The following PLAC8 variants were observed in gnomAD, a reference collection of about 807,000 sequenced individuals.
The protein encoded by PLAC8 is placenta associated 8.
Under a neutral mutation model 12.6 loss-of-function variants are expected in PLAC8, and 6 were observed. That is an observed-to-expected ratio of 0.48 (90% CI 0.26 to 0.94). The LOEUF is 0.94. Among genes scored for constraint, PLAC8 ranks in the 40% least tolerant of loss-of-function variants. The pLI is 0.14. For missense variants in PLAC8, 122 were observed against 152.7 expected (o/e 0.80, Z 1.06); for synonymous variants, 54 against 52.6 (o/e 1.03, Z -0.11).
Position 83,090,581 on chromosome 4 carries a change from A to G in PLAC8, c.*400T>C, listed in dbSNP as rs966262212. The G allele has an allele frequency of 6.6e-6, 1 of 151,194 alleles. No individual in the cohort carries two copies. The highest frequency in any genetic ancestry group is 1.9e-4 in the East Asian group (1 of 5,194). The allele number at this position is 151,194 out of a possible 1,614,324, so 9.4% of individuals were successfully genotyped here. A position where few individuals can be genotyped will look rare whatever the true frequency, so the allele number is the denominator to read the frequency against. On this transcript the variant is annotated 3_prime_UTR_variant, in exon 5 of 5. Transcript: ENST00000311507. ...ATCCCCCAACTCTATTAAAAAAAAA[A>G]AAAAAGAAAAAGGAAATCAAAGTAT...
chr4:83,114,543 T>C (rs1403135078), intron 1 of PLAC8, 123 bp downstream of exon 1: 30 of 152,136 alleles, frequency 2.0e-4, no homozygotes. Context: ...CTTAGTCTTT[T>C]AGCTGAAACT....
At chr4:83,109,193 G>C (rs1332932630) in intron 1 of PLAC8, among the ~76,000 whole-genome samples, 2 of 152,140 alleles carry the variant, frequency 1.3e-5, no homozygotes, top group African/African-American at 2.4e-5. Context: ...TGGGGTTTCT[G>C]ACCTACCCAC....
At chr4:83,096,189 C>T (rs1362619374) in intron 3 of PLAC8, among the ~76,000 whole-genome samples, 1 of 152,134 alleles carries the variant, frequency 6.6e-6, no homozygotes, top group Non-Finnish European at 1.5e-5. Flanking sequence ...TCAGCCTACA[C>T]CCAGGAATGA....
At chr4:83,091,593 A>C (rs1485446962) in intron 4 of PLAC8, among the ~76,000 whole-genome samples, 1 of 152,140 alleles carries the variant, frequency 6.6e-6, no homozygotes, top group Non-Finnish European at 1.5e-5. Flanking sequence ...TTGTGGAGTT[A>C]CTCCATACAG....
intron 1 of PLAC8, among the ~76,000 whole-genome samples, chr4:83,110,029 G>A (rs1008389331): frequency 6.6e-5 from 10 of 152,224 alleles, no homozygotes; most frequent in Admixed American, 5.2e-4. Context: ...CGTGAACCGG[G>A]CAGCGGGCGC....
At chr4:83,094,592 A>G in intron 4 of PLAC8, 86 bp downstream of exon 4, 2 of 723,240 alleles carry the variant, frequency 2.8e-6, no homozygotes, top group Non-Finnish European at 4.7e-6. Context: ...TTGCTGAATT[A>G]TTCAAAACAA....
intron 3 of PLAC8, among the ~76,000 whole-genome samples, chr4:83,096,530 A>T (rs1404270856): frequency 1.3e-5 from 2 of 152,230 alleles, no homozygotes; most frequent in Non-Finnish European, 2.9e-5. Context: ...TTAAGTGAAA[A>T]ATAACAATCT....
intron 4 of PLAC8, among the ~76,000 whole-genome samples, chr4:83,091,661 A>G (rs1731809849): frequency 1.3e-5 from 2 of 152,284 alleles, no homozygotes; most frequent in South Asian, 2.1e-4. Context: ...GAAGGAAGTC[A>G]CTATGCAAAC....
intron 1 of PLAC8, among the ~76,000 whole-genome samples, chr4:83,110,885 A>G (rs1732410088): frequency 6.6e-6 from 1 of 152,244 alleles, no homozygotes; most frequent in South Asian, 2.1e-4. Context: ...CATCTTGGTT[A>G]TCAAATACCA....
chr4:83,093,604 T>C (rs1244178398), intron 4 of PLAC8: 1 of 152,224 alleles, frequency 6.6e-6, no homozygotes, highest in Non-Finnish European at 1.5e-5. Context: ...AAATCACTGC[T>C]TTCAAGAAAC....
intron 2 of PLAC8, among the ~76,000 whole-genome samples, chr4:83,106,144 C>T (rs1578742838): frequency 6.6e-6 from 1 of 151,880 alleles, no homozygotes; most frequent in Admixed American, 6.6e-5. Context: ...GGACTACAGG[C>T]ACCCACCACC....
chr4:83,114,016 ATAC>A (rs1429841927), intron 1 of PLAC8, among the ~76,000 whole-genome samples: 1 of 150,830 alleles, frequency 6.6e-6, no homozygotes, highest in Non-Finnish European at 1.5e-5. Flanking sequence ...ATTAATCCAG[ATAC>A]TAGACATATT....
At chr4:83,093,921 C>A (rs1463868899) in intron 4 of PLAC8, 1 of 152,090 alleles carries the variant, frequency 6.6e-6, no homozygotes, top group Non-Finnish European at 1.5e-5. Context: ...CATTTTTTTA[C>A]GTATCTCCCA....
At chr4:83,113,678 A>G (rs1732473035) in intron 1 of PLAC8, among the ~76,000 whole-genome samples, 1 of 152,046 alleles carries the variant, frequency 6.6e-6, no homozygotes, top group South Asian at 2.1e-4. Context: ...AAAAGTTGGC[A>G]GGGGCCACCT....
At chr4:83,101,816 C>T (rs1469345813) in intron 3 of PLAC8, among the ~76,000 whole-genome samples, 1 of 152,134 alleles carries the variant, frequency 6.6e-6, no homozygotes, top group Non-Finnish European at 1.5e-5. Context: ...CTTTCCCCTA[C>T]CCCATGAGAA....
chr4:83,107,489 A>G lies in PLAC8; in HGVS notation c.118+315T>C, dbSNP rs544491028. 2.6e-5 allele frequency among the ~76,000 whole-genome samples: 4 copies of G among 152,062 alleles called. No homozygotes were observed. In the East Asian group the frequency reaches 5.8e-4, roughly 22 times the overall value. On this transcript the variant is annotated intron_variant, in intron 2 of 4. Coordinates refer to ENST00000311507, the MANE Select transcript of PLAC8 (RefSeq NM_016619.3). ...GAATTTTTAAATTAATGTAAGTTCTATTTAGTCAGGCCAGACCTGCTCGTT... is the reference window on the plus strand; with the variant it reads ...GAATTTTTAAATTAATGTAAGTTCTGTTTAGTCAGGCCAGACCTGCTCGTT...
intron 4 of PLAC8, chr4:83,092,754 G>A (rs1731834306): frequency 7.0e-6 from 1 of 143,594 alleles, no homozygotes; most frequent in South Asian, 2.2e-4. Flanking sequence ...TGCCTCTCTA[G>A]TTTCATTAAT....
chr4:83,113,797 G>A (rs1275465822), intron 1 of PLAC8, among the ~76,000 whole-genome samples: 2 of 151,992 alleles, frequency 1.3e-5, no homozygotes, highest in Non-Finnish European at 2.9e-5. Context: ...TCTGTGGAAT[G>A]GTCTCAATGT....
At chr4:83,091,332 T>C (rs1004917428) in intron 4 of PLAC8, among the ~76,000 whole-genome samples, 2 of 152,234 alleles carry the variant, frequency 1.3e-5, no homozygotes, top group African/African-American at 2.4e-5. Context: ...TCTCAGCCTT[T>C]CCTTGTTTTT....
Sources: allele counts gnomAD v4.1 joint callset (sites outside exome capture counted in the v4.1 genomes callset), GRCh38; gene constraint gnomAD v4.1.1; transcripts MANE v1.5; gene names NCBI Gene and HGNC (gene_info 2026-07-23, HGNC 2026-07-21).